The following HPSE2 variants were observed in gnomAD, a reference collection of about 807,000 sequenced individuals.
HPSE2 encodes the protein heparanase 2 (inactive).
HPSE2 carries 38 observed loss-of-function variants against 60.5 expected under a neutral mutation model. The ratio of observed to expected loss-of-function variants is 0.63; its 90% confidence interval spans 0.48 to 0.82. The LOEUF (loss-of-function observed/expected upper bound fraction) is 0.82, where lower values mean the gene tolerates loss of function less well. Among genes scored for constraint, HPSE2 ranks in the 40% least tolerant of loss-of-function variants. The pLI is 0.00. For missense variants in HPSE2, 713 were observed against 740.4 expected, an observed-to-expected ratio of 0.96 and a Z score of 0.43; for synonymous variants, 295 against 293.2, an observed-to-expected ratio of 1.01 and a Z score of -0.06.
intron 2 of HPSE2, among the ~76,000 whole-genome samples, chr10:99,207,975 A>ATAG (rs1218306422): frequency 6.7e-6 from 1 of 150,318 alleles, no homozygotes. Context: ...ATAACTAATA[A>ATAG]TAAAATGGAA....
chr10:98,569,737 G>A (rs1944443938), intron 9 of HPSE2, among the ~76,000 whole-genome samples: 1 of 152,096 alleles, frequency 6.6e-6, no homozygotes, highest in Non-Finnish European at 1.5e-5. Context: ...GGGATGCACA[G>A]ATGAGCAGGG....
intron 7 of HPSE2, among the ~76,000 whole-genome samples, chr10:98,629,395 CTCT>C (rs1485545926): frequency 6.6e-6 from 1 of 152,198 alleles, no homozygotes; most frequent in African/African-American, 2.4e-5. Flanking sequence ...ACACACAGAG[CTCT>C]TCTTAGGGAC....
At chr10:98,522,562 C>T (rs975960363) in intron 9 of HPSE2, among the ~76,000 whole-genome samples, 5 of 152,306 alleles carry the variant, frequency 3.3e-5, no homozygotes, top group South Asian at 2.1e-4. Context: ...GCAACCTCCG[C>T]TTCCCGGATT....
At chr10:99,120,160 C>A (rs1481148485) in intron 3 of HPSE2, among the ~76,000 whole-genome samples, 1 of 151,998 alleles carries the variant, frequency 6.6e-6, no homozygotes, top group Non-Finnish European at 1.5e-5. Context: ...AACAGACAAC[C>A]TACAGAATGG....
chr10:99,056,008 A>G (rs1395096504), intron 3 of HPSE2, among the ~76,000 whole-genome samples: 1 of 152,098 alleles, frequency 6.6e-6, no homozygotes, highest in Non-Finnish European at 1.5e-5. Flanking sequence ...AGAACAAATT[A>G]ATAAAATCCA....
intron 3 of HPSE2, among the ~76,000 whole-genome samples, chr10:98,868,656 T>A (rs1321675831): frequency 1.3e-5 from 2 of 152,132 alleles, no homozygotes; most frequent in African/African-American, 4.8e-5. Context: ...AGTTAAAAAA[T>A]TTTAAAAAAT....
chr10:98,721,845 C>A lies in HPSE2; in HGVS notation c.785-17G>T. 4 of 1,610,794 alleles carry A rather than the reference C, an allele frequency of 2.5e-6. No individual in the cohort carries two copies. The highest frequency in any genetic ancestry group is 2.5e-6 in the Non-Finnish European group (3 of 1,178,122). ...TATTTGGCTCTAGATTAAAAGCAGA[C>A]ATGTAAGTCAGAATGAGAAGTGTAA... On this transcript the variant is annotated splice_polypyrimidine_tract_variant and intron_variant, in intron 4 of 11. Transcript: ENST00000370552.
At chr10:98,964,888 G>C (rs1955775760) in intron 3 of HPSE2, among the ~76,000 whole-genome samples, 1 of 151,894 alleles carries the variant, frequency 6.6e-6, no homozygotes, top group Admixed American at 6.6e-5. Flanking sequence ...CTCTCTTAAT[G>C]GAGGTAAACC....
chr10:99,232,631 C>CTGGGGCAGG, intron 1 of HPSE2, 126 bp from the exon 2 acceptor site: 2 of 1,091,594 alleles, frequency 1.8e-6, no homozygotes, highest in Non-Finnish European at 2.7e-6. Context: ...TCTGTGCCTG[C>CTGGGGCAGG]CCCAGCCGGC....
In HPSE2 at chr10:98,959,358, GAAAAAAAAAAA is replaced by G. The variant is rs540992148; in HGVS notation, c.610+184869_610+184879del. 3.9e-5 allele frequency among the ~76,000 whole-genome samples: 3 copies of G among 77,462 alleles called. No individual in the cohort carries two copies. The East Asian group carries it at 1.3e-3, about 32-fold the overall frequency. 50.8% of individuals were successfully genotyped at this position (77,462 alleles called of 152,430 possible). A position where few individuals can be genotyped will look rare whatever the true frequency, so the allele number is the denominator to read the frequency against. On this transcript the variant is annotated intron_variant, in intron 3 of 11. Transcript: ENST00000370552. ...CAGTTTCTTGTCAAAACTATCTCTGGAAAAAAAAAAAAAAAAAAAAAGGCCAGTGGATAGGA... is the reference window on the plus strand; with the variant it reads ...CAGTTTCTTGTCAAAACTATCTCTGGAAAAAAAAAAGGCCAGTGGATAGGA...
the HPSE2 span, among the ~76,000 whole-genome samples, chr10:99,301,793 C>T: frequency 2.9e-3 from 447 of 151,996 alleles, no homozygotes; most frequent in Non-Finnish European, 5.2e-3. Context: ...TCATGAGCCC[C>T]CACCAAGTAC....
intron 3 of HPSE2, among the ~76,000 whole-genome samples, chr10:99,032,135 G>C (rs1458519519): frequency 1.3e-5 from 2 of 152,140 alleles, no homozygotes; most frequent in African/African-American, 4.8e-5. Context: ...GTTTTTTACA[G>C]ATCCTGCTGA....
intron 11 of HPSE2, among the ~76,000 whole-genome samples, chr10:98,467,815 C>A (rs1940606043): frequency 1.3e-5 from 2 of 152,284 alleles, no homozygotes; most frequent in African/African-American, 4.8e-5. Context: ...GTTGCGGTCC[C>A]GTTGGCAAGG....
At chr10:99,186,334 G>C (rs1038058586) in intron 2 of HPSE2, among the ~76,000 whole-genome samples, 5 of 151,986 alleles carry the variant, frequency 3.3e-5, no homozygotes, top group African/African-American at 1.2e-4. Flanking sequence ...CACAAGGTCA[G>C]GAGTTCGAGA....
Position 99,132,211 on chromosome 10 carries a change from G to GAAAGGA in HPSE2, c.610+12026_610+12027insTCCTTT, listed in dbSNP as rs1564833041. 2.7e-4 allele frequency among the ~76,000 whole-genome samples: 5 copies of GAAAGGA among 18,480 alleles called. No individual in the cohort carries two copies. The Admixed American group carries it at 3.1e-3, about 12-fold the overall frequency. The allele number at this position is 18,480 out of a possible 152,430, so 12.1% of individuals were successfully genotyped here. ...AAAGAAAGAGAGAGAGAGAGAGAGA[G>GAAAGGA]AGAGAGAGAGAGAGAGAGAGAGAGA... is the stretch of plus-strand genomic sequence containing the variant. On this transcript the variant is annotated intron_variant, in intron 3 of 11. Transcript: ENST00000370552.
chr10:98,580,032 G>A (rs1331929432), intron 9 of HPSE2, among the ~76,000 whole-genome samples: 1 of 152,184 alleles, frequency 6.6e-6, no homozygotes. Flanking sequence ...TTGATTAAAA[G>A]TCAGGTGAGT....
At chr10:99,149,988 T>C (rs911519289) in intron 2 of HPSE2, among the ~76,000 whole-genome samples, 3 of 151,972 alleles carry the variant, frequency 2.0e-5, no homozygotes, top group Non-Finnish European at 2.9e-5. Context: ...GTAATCAAAG[T>C]AGAGTTCCAA....
chr10:98,815,993 CAG>C, intron 3 of HPSE2, among the ~76,000 whole-genome samples: 1 of 128,228 alleles, frequency 7.8e-6, no homozygotes, highest in East Asian at 2.4e-4. Flanking sequence ...CACATGAACA[CAG>C]GAAGGGGAAC....
chr10:98,975,466 T>C (rs1476615783), intron 3 of HPSE2, among the ~76,000 whole-genome samples: 1 of 152,134 alleles, frequency 6.6e-6, no homozygotes, highest in Non-Finnish European at 1.5e-5. Context: ...AATAGTCATG[T>C]GTTCTGGTAT....
Sources: allele counts gnomAD v4.1 joint callset (sites outside exome capture counted in the v4.1 genomes callset), GRCh38; gene constraint gnomAD v4.1.1; transcripts MANE v1.5; gene names NCBI Gene and HGNC (gene_info 2026-07-23, HGNC 2026-07-21).